Variants in MLIP observed in about 807,000 individuals in gnomAD.
The protein encoded by MLIP is muscular LMNA interacting protein.
A neutral mutation model predicts 84.8 loss-of-function variants in MLIP; 79 were observed. The ratio of observed to expected loss-of-function variants is 0.93; its 90% CI spans 0.78 to 1.12. MLIP has a LOEUF of 1.12. MLIP is among the 50% of genes most tolerant of loss of function. The probability of loss-of-function intolerance (pLI) is 0.00; values close to 1 mark genes in which losing one functional copy is unlikely to be tolerated. For synonymous variants in MLIP, 504 were observed against 463.0 expected (o/e 1.09, Z -1.14); for missense variants, 1,257 against 1,160.6 (o/e 1.08, Z -1.21).
intron 10 of MLIP, among the ~76,000 whole-genome samples, chr6:54,196,838 G>A (rs1000656287): frequency 6.6e-6 from 1 of 152,270 alleles, no homozygotes; most frequent in Middle Eastern, 3.4e-3. Context: ...AACACAAACA[G>A]ATGTCAGGTA....
chr6:54,242,729 A>T (rs1009074037), intron 12 of MLIP, among the ~76,000 whole-genome samples: 25 of 152,154 alleles, frequency 1.6e-4, no homozygotes, highest in African/African-American at 6.0e-4. Flanking sequence ...ATCTTTTATG[A>T]GTATATGTTA....
At chr6:54,019,206 G>A (rs1763364306) in intron 1 of MLIP, 1 of 1,012,798 alleles carries the variant, frequency 9.9e-7, no homozygotes, top group Admixed American at 2.7e-5. Flanking sequence ...TGTTTTGCTG[G>A]TCAATAACTT....
chr6:54,177,307 C>T (rs1315972022), intron 9 of MLIP, among the ~76,000 whole-genome samples: 3 of 151,754 alleles, frequency 2.0e-5, no homozygotes, highest in African/African-American at 7.3e-5. Context: ...TGACAAAGGT[C>T]TAATATCCAG....
chr6:54,121,903 T>C lies in MLIP; in HGVS notation c.252+301T>C, dbSNP rs148352030. ...AGAAAATAAAAACAAAATTTAAAAA[T>C]GTTTAAATTTATCTCAAAAGAAAAT... is the stretch of plus-strand genomic sequence containing the variant. On this transcript the variant is annotated intron_variant, in intron 2 of 13. Coordinates refer to ENST00000502396, the MANE Select transcript of MLIP (RefSeq NM_001281747.2). Among the ~76,000 whole-genome samples the C allele has an allele frequency of 5.9e-3, 895 of 152,322 alleles. 3 individuals are homozygous for C. The highest frequency in any genetic ancestry group is 8.2e-3 in the Non-Finnish European group (560 of 68,012).
chr6:54,136,890 C>T lies in MLIP; in HGVS notation c.821C>T (p.Ser274Leu). The stretch of plus-strand genomic sequence containing the variant: ...GTCGGTGGGGCCGTGGTGGAAGAAT[C>T]AGCTACGTATTTTCAAACTACCGCT... ...LDVGGAVVEESATYFQTTAHS... is the reference protein window; with the variant it reads ...LDVGGAVVEELATYFQTTAHS... The change falls in exon 4 of 14, where the codon TCA (serine) becomes TTA (leucine). Residue 274 changes from serine (S) to leucine (L), a missense_variant. Ser to Leu is a moderately radical substitution (Grantham distance 145, BLOSUM62 -2). Transcript: ENST00000502396. 5.9e-6 allele frequency: 9 copies of T among 1,535,392 alleles called. No individual in the cohort carries two copies. Among genetic ancestry groups the T allele is most frequent in the Non-Finnish European group, 7.9e-6 (9 of 1,146,424 alleles).
chr6:54,153,120 C>G (rs1773631418), intron 5 of MLIP, among the ~76,000 whole-genome samples: 1 of 152,074 alleles, frequency 6.6e-6, no homozygotes, highest in Non-Finnish European at 1.5e-5. Flanking sequence ...GAGAAGAATT[C>G]TGGAGCAGCT....
chr6:54,095,711 C>T (rs562737093), intron 1 of MLIP, among the ~76,000 whole-genome samples: 1 of 152,298 alleles, frequency 6.6e-6, no homozygotes, highest in Non-Finnish European at 1.5e-5. Context: ...CCCAAATGAG[C>T]TTCGAGTGAA....
At chr6:54,051,394 G>C (rs1004955545) in intron 1 of MLIP, among the ~76,000 whole-genome samples, 4 of 151,782 alleles carry the variant, frequency 2.6e-5, no homozygotes, top group Non-Finnish European at 2.9e-5. Flanking sequence ...CAATACAAAG[G>C]CAGGGAATGG....
intron 4 of MLIP, among the ~76,000 whole-genome samples, chr6:54,138,586 T>C (rs1179984722): frequency 1.3e-5 from 2 of 152,200 alleles, no homozygotes; most frequent in African/African-American, 4.8e-5. Context: ...AGTTATATCA[T>C]TGGCCCTAAT....
At chr6:54,131,660 C>T (rs1771393800) in intron 3 of MLIP, among the ~76,000 whole-genome samples, 1 of 152,076 alleles carries the variant, frequency 6.6e-6, no homozygotes, top group South Asian at 2.1e-4. Context: ...ACAGACTTGA[C>T]TGAGAAGAAA....
intron 11 of MLIP, among the ~76,000 whole-genome samples, chr6:54,205,761 T>C (rs1003130671): frequency 2.6e-5 from 4 of 152,216 alleles, no homozygotes; most frequent in African/African-American, 9.6e-5. Flanking sequence ...CATCATTGTA[T>C]ATTAGATTTT....
chr6:54,082,088 T>G (rs1767195899), intron 1 of MLIP, among the ~76,000 whole-genome samples: 1 of 152,146 alleles, frequency 6.6e-6, no homozygotes, highest in South Asian at 2.1e-4. Context: ...GAAACATTAC[T>G]CATATGATAA....
chr6:54,253,471 G>A (rs564436084), intron 12 of MLIP, among the ~76,000 whole-genome samples: 3 of 152,210 alleles, frequency 2.0e-5, no homozygotes, highest in African/African-American at 7.2e-5. Context: ...ACAATTTCGG[G>A]CAGTCCAGAA....
rs1468607324 is a variant in MLIP, at chr6:54,230,885, C to T, written c.2890C>T (p.His964Tyr). ...FSLSDEQENS[H>Y]TLLSHNACNK... ...CTTGAGTGATGAACAGGAGAATTCTCACACCCTCCTCAGTCACAACGCATG... is the reference window on the plus strand; with the variant it reads ...CTTGAGTGATGAACAGGAGAATTCTTACACCCTCCTCAGTCACAACGCATG... The change falls in exon 12 of 14, where the codon CAC (histidine) becomes TAC (tyrosine). Residue 964 changes from histidine to tyrosine, a missense_variant. Transcript: ENST00000502396. The T allele has an allele frequency of 1.9e-6, 3 of 1,613,910 alleles. No individual in the cohort carries two copies. The highest frequency in any genetic ancestry group is 8.5e-7 in the Non-Finnish European group (1 of 1,179,962).
At chr6:54,019,673 G>T (rs1488780381) in intron 1 of MLIP, among the ~76,000 whole-genome samples, 1 of 152,076 alleles carries the variant, frequency 6.6e-6, no homozygotes, top group Non-Finnish European at 1.5e-5. Context: ...GCTGTCCATG[G>T]CTCATCTGAT....
At chr6:54,152,875 G>GAAT (rs1773598108) in intron 5 of MLIP, among the ~76,000 whole-genome samples, 1 of 131,578 alleles carries the variant, frequency 7.6e-6, no homozygotes, top group African/African-American at 3.1e-5. Flanking sequence ...AGAGAATGAA[G>GAAT]AAATATTTCC....
At chr6:54,093,960 C>T (rs1292979315) in intron 1 of MLIP, among the ~76,000 whole-genome samples, 1 of 152,128 alleles carries the variant, frequency 6.6e-6, no homozygotes, top group Non-Finnish European at 1.5e-5. Context: ...ATGTAAAGCA[C>T]TTACAATTTC....
At chr6:54,118,726 A>G (rs1450704622) in intron 1 of MLIP, among the ~76,000 whole-genome samples, 2 of 152,204 alleles carry the variant, frequency 1.3e-5, no homozygotes, top group African/African-American at 2.4e-5. Context: ...GAGTGAGGAG[A>G]CAACCTACAG....
intron 1 of MLIP, among the ~76,000 whole-genome samples, chr6:54,020,487 G>T (rs1055813317): frequency 6.6e-6 from 1 of 152,198 alleles, no homozygotes; most frequent in Non-Finnish European, 1.5e-5. Context: ...CTAAATACAT[G>T]AATAATTGGT....
Sources: allele counts gnomAD v4.1 joint callset (sites outside exome capture counted in the v4.1 genomes callset), GRCh38; gene constraint gnomAD v4.1.1; transcripts MANE v1.5; gene names NCBI Gene and HGNC (gene_info 2026-07-23, HGNC 2026-07-21).